Variants in FLT3LG observed in about 807,000 individuals in gnomAD.
The protein encoded by FLT3LG is fms-related tyrosine kinase 3 ligand.
Under a neutral mutation model 30.9 loss-of-function variants are expected in FLT3LG, and 8 were observed. The observed-to-expected ratio is 0.26, with a 90% CI of 0.15 to 0.47. The LOEUF is 0.47. Ranked by LOEUF, FLT3LG falls within the 20% of genes least tolerant of loss-of-function variation. The pLI, the probability that FLT3LG is intolerant of heterozygous loss-of-function variation, is 0.99. For missense variants in FLT3LG, 278 were observed against 306.2 expected (o/e 0.91, Z 0.69); for synonymous variants, 123 against 135.9 (o/e 0.91, Z 0.66).
intron 2 of FLT3LG, among the ~76,000 whole-genome samples, chr19:49,474,990 G>GAA (rs2079331098): frequency 7.8e-6 from 1 of 128,366 alleles, no homozygotes; most frequent in African/African-American, 3.2e-5. Context: ...CAGAGGAGAG[G>GAA]GAGATAAAGA....
Position 49,476,374 on chromosome 19 carries a change from C to A in FLT3LG, c.199-49C>A. Reference sequence around the variant, plus strand: ...CCAGCCCCTCCTCCCTCAGACCCAGCAGCCCCGTGCCCAGCTCCTCCCTCA... The same window carrying A: ...CCAGCCCCTCCTCCCTCAGACCCAGAAGCCCCGTGCCCAGCTCCTCCCTCA... On this transcript the variant is annotated intron_variant, in intron 4 of 8. Coordinates refer to ENST00000597551, the MANE Select transcript of FLT3LG (RefSeq NM_001459.4). The surrounding 1 kb of genome is among the most constrained non-coding windows in gnomAD (Gnocchi z 5.3). 1 of 1,577,046 alleles carries A rather than the reference C, an allele frequency of 6.3e-7. No homozygotes were observed. The highest frequency in any genetic ancestry group is 8.6e-7 in the Non-Finnish European group (1 of 1,156,606).
chr19:49,484,991 C>G (rs960052500), intron 8 of FLT3LG, among the ~76,000 whole-genome samples: 1 of 151,460 alleles, frequency 6.6e-6, no homozygotes, highest in Admixed American at 6.6e-5. Flanking sequence ...GAGGCTGAGG[C>G]AGGAAGAATG....
At chr19:49,474,470 G>A in intron 1 of FLT3LG, 133 bp from the exon 2 acceptor site, 1 of 656,060 alleles carries the variant, frequency 1.5e-6, no homozygotes, top group Non-Finnish European at 2.7e-6. Context: ...GGCAGACGCA[G>A]GAAGCCTGGG....
chr19:49,478,113 G>A lies in FLT3LG; in HGVS notation c.343-796G>A, dbSNP rs577609818. Among the ~76,000 whole-genome samples the A allele has an allele frequency of 1.1e-4, 16 of 151,402 alleles. No homozygotes were observed. The East Asian group carries it at 2.0e-3, about 18-fold the overall frequency. ...GCGAGTCACCTGAGGTCAGGAGTTC[G>A]AGACCAGCCTGGCCAACATAGAGAA... On this transcript the variant is annotated intron_variant, in intron 5 of 8. Coordinates refer to ENST00000597551, the MANE Select transcript of FLT3LG (RefSeq NM_001459.4).
In FLT3LG at chr19:49,480,289, T is replaced by C; in HGVS notation, c.482-9T>C. ...CTCCTTGGTCACCCAGCCTCCTCTTTCTCCCCAGACTCCTCAACCCTGCCA... is the reference window on the plus strand; with the variant it reads ...CTCCTTGGTCACCCAGCCTCCTCTTCCTCCCCAGACTCCTCAACCCTGCCA... On this transcript the variant is annotated splice_polypyrimidine_tract_variant and intron_variant, in intron 6 of 8. Coordinates refer to ENST00000597551, the MANE Select transcript of FLT3LG (RefSeq NM_001459.4). 6.4e-7 allele frequency: 1 copy of C among 1,564,900 alleles called. No homozygotes were observed. The highest frequency in any genetic ancestry group is 8.7e-7 in the Non-Finnish European group (1 of 1,150,128).
At position 49,476,697 on chromosome 19, in the gene FLT3LG, C is replaced by T. The variant is rs770320149; in HGVS notation, c.342+131C>T. 5.3e-6 allele frequency: 6 copies of T among 1,123,528 alleles called. No homozygotes were observed. The highest frequency in any genetic ancestry group is 1.6e-5 in the African/African-American group (1 of 63,814). 69.6% of individuals were successfully genotyped at this position (1,123,528 alleles called of 1,614,324 possible). A position where few individuals can be genotyped will look rare whatever the true frequency, so the allele number is the denominator to read the frequency against. ...AACGAAGGTAGAGCGAGAAGCGCCA[C>T]CCTGCAGAGCCCTGTTCCTACAGAA... is the stretch of plus-strand genomic sequence containing the variant. On this transcript the variant is annotated intron_variant, in intron 5 of 8. Coordinates refer to ENST00000597551, the MANE Select transcript of FLT3LG (RefSeq NM_001459.4). This position sits in a 1 kb window ranked among gnomAD's most constrained non-coding sequence, Gnocchi z 5.3.
chr19:49,479,844 G>A (rs1242312436), intron 6 of FLT3LG: 5 of 145,776 alleles, frequency 3.4e-5, no homozygotes, highest in Non-Finnish European at 7.5e-5. Context: ...TTGCTCTGTC[G>A]CCCAGGCTGG....
chr19:49,476,737 G>A lies in FLT3LG; in HGVS notation c.342+171G>A. The A allele has an allele frequency of 1.2e-6, 1 of 826,584 alleles. No homozygotes were observed. Among genetic ancestry groups the A allele is most frequent in the Non-Finnish European group, 1.8e-6 (1 of 541,088 alleles). 51.2% of individuals were successfully genotyped at this position (826,584 alleles called of 1,614,324 possible). ...TTCCTACAGAACAACACGTCCCCAG[G>A]CACCGGTGATGGGGAGCAGTCTGGT... On this transcript the variant is annotated intron_variant, in intron 5 of 8. Transcript: ENST00000597551. This position sits in a 1 kb window ranked among gnomAD's most constrained non-coding sequence, Gnocchi z 5.3.
At position 49,486,190 on chromosome 19, in the gene FLT3LG, C is replaced by G. The variant is rs1388356985; in HGVS notation, c.*197C>G. On this transcript the variant is annotated 3_prime_UTR_variant, in exon 9 of 9. Transcript: ENST00000597551. ...CATTTACCCAACTCTGTACAAAGCC[C>G]TTGTCCCCATGAAATTGTATATAAA... The G allele has an allele frequency of 6.5e-6, 1 of 152,672 alleles. No individual in the cohort carries two copies. Among genetic ancestry groups the G allele is most frequent in the Non-Finnish European group, 1.5e-5 (1 of 68,068 alleles). The allele number at this position is 152,672 out of a possible 1,614,324, so 9.5% of individuals were successfully genotyped here.
intron 1 of FLT3LG, 110 bp from the exon 2 acceptor site, chr19:49,474,493 G>A (rs993554394): frequency 1.5e-5 from 11 of 738,532 alleles, no homozygotes; most frequent in South Asian, 5.2e-5. Flanking sequence ...AGGAAGGGGC[G>A]GAAACTCAGC....
intron 8 of FLT3LG, 77 bp downstream of exon 8, chr19:49,480,697 T>A: frequency 6.9e-7 from 1 of 1,439,212 alleles, no homozygotes; most frequent in South Asian, 1.2e-5. Context: ...CATGGAAGGG[T>A]GGTGAGCAGT....
In FLT3LG at chr19:49,475,807, C is replaced by A; in HGVS notation, c.144+6C>A. The A allele has an allele frequency of 6.2e-7, 1 of 1,611,348 alleles. No homozygotes were observed. Among genetic ancestry groups the A allele is most frequent in the Non-Finnish European group, 8.5e-7 (1 of 1,179,560 alleles). ...CTGTCAAAATCCGTGAGCTGGTGAG[C>A]GGCGCTGCCCCGGACCCCCTCATGT... On this transcript the variant is annotated splice_donor_region_variant and intron_variant, in intron 3 of 8. Transcript: ENST00000597551.
chr19:49,482,246 C>T (rs1434077311), intron 8 of FLT3LG: 1 of 151,968 alleles, frequency 6.6e-6, no homozygotes, highest in Non-Finnish European at 1.5e-5. Context: ...CTGCCTCAGC[C>T]TCTGGAGTAG....
intron 8 of FLT3LG, among the ~76,000 whole-genome samples, chr19:49,484,506 G>C (rs1396633104): frequency 1.3e-5 from 2 of 151,060 alleles, no homozygotes; most frequent in Admixed American, 6.6e-5. Context: ...TGTTGTTGTT[G>C]TTGTTTTTGA....
chr19:49,484,590 G>A (rs927356618), intron 8 of FLT3LG, among the ~76,000 whole-genome samples: 5 of 151,528 alleles, frequency 3.3e-5, no homozygotes, highest in African/African-American at 9.7e-5. Flanking sequence ...TCTGCCTCCC[G>A]GGTTCAAGCG....
Position 49,476,801 on chromosome 19 carries a change from G to C in FLT3LG, c.342+235G>C. The C allele has an allele frequency of 6.5e-5, 31 of 479,648 alleles. No homozygotes were observed. Among genetic ancestry groups the C allele is most frequent in the Non-Finnish European group, 8.9e-5 (24 of 270,446 alleles). 29.7% of individuals were successfully genotyped at this position (479,648 alleles called of 1,614,324 possible). On this transcript the variant is annotated intron_variant, in intron 5 of 8. Coordinates refer to ENST00000597551, the MANE Select transcript of FLT3LG (RefSeq NM_001459.4). This position sits in a 1 kb window ranked among gnomAD's most constrained non-coding sequence, Gnocchi z 5.3. Reference sequence around the variant, plus strand: ...CCCGGTTTCCTAGGCCATGATGAAGGGTGCCACTGAGGGGTTCTTCCCCCA... The same window carrying C: ...CCCGGTTTCCTAGGCCATGATGAAGCGTGCCACTGAGGGGTTCTTCCCCCA...
intron 2 of FLT3LG, 110 bp downstream of exon 2, chr19:49,474,782 TAGG>T (rs2079315166): frequency 1.0e-5 from 12 of 1,195,704 alleles, no homozygotes; most frequent in Admixed American, 2.2e-5. Context: ...GACGAGGAAA[TAGG>T]AGGGGAGATG....
chr19:49,485,253 T>C (rs942857873), intron 8 of FLT3LG, among the ~76,000 whole-genome samples: 12 of 149,004 alleles, frequency 8.1e-5, no homozygotes, highest in African/African-American at 1.5e-4. Flanking sequence ...TTTTTCTTTT[T>C]TTTTTTTTTT....
chr19:49,480,556 C>T lies in FLT3LG; in HGVS notation c.665C>T (p.Pro222Leu), dbSNP rs1396443631. Residue 222 changes from proline to leucine, a missense_variant, in exon 8 of 9, where the codon CCC becomes CTC. By Grantham distance (98) the Pro-to-Leu change is moderately conservative. Around this residue, in one of 3 missense-constraint regions of FLT3LG, gnomAD observed 170 missense variants for 162.0 expected, o/e 1.05. Transcript: ENST00000597551. ...CTGACACTTTGGGGCCCACAGGTGC[C>T]CCCCGTCCCCAGTCCCCAGGACCTG... The part of the protein sequence containing the change: ...RRTPRPGEQV[P>L]PVPSPQDLLL... 6.8e-6 allele frequency: 11 copies of T among 1,612,940 alleles called. No homozygotes were observed. The highest frequency in any genetic ancestry group is 1.7e-5 in the Admixed American group (1 of 59,924).
Sources: allele counts gnomAD v4.1 joint callset (sites outside exome capture counted in the v4.1 genomes callset), GRCh38; gene constraint gnomAD v4.1.1; regional missense constraint gnomAD v4.1.1; non-coding constraint Gnocchi (gnomAD v3.1); transcripts MANE v1.5; gene names NCBI Gene and HGNC (gene_info 2026-07-23, HGNC 2026-07-21).